Variants in PSD3 observed in about 807,000 individuals in gnomAD.
PSD3 encodes the protein PH and SEC7 domain-containing protein 3.
In PSD3, 49 loss-of-function variants were observed where a neutral mutation model predicts 105.5. That is an observed-to-expected ratio of 0.46 (90% confidence interval 0.37 to 0.59). PSD3 has a LOEUF of 0.59. PSD3 is among the 20% of genes least tolerant of loss of function. The pLI is 0.00. For synonymous variants in PSD3, 557 were observed against 457.8 expected (o/e 1.22, Z -2.77); for missense variants, 1,561 against 1,263.8 (o/e 1.24, Z -3.57).
intron 4 of PSD3, among the ~76,000 whole-genome samples, chr8:18,845,621 G>A (rs1815020235): frequency 6.6e-6 from 1 of 152,124 alleles, no homozygotes; most frequent in South Asian, 2.1e-4. Context: ...AGTTTCACAG[G>A]CCTACTGCAG....
chr8:18,578,504 C>T (rs1050676603), intron 12 of PSD3, among the ~76,000 whole-genome samples: 2 of 151,954 alleles, frequency 1.3e-5, no homozygotes, highest in African/African-American at 4.8e-5. Flanking sequence ...TTCTTCATGC[C>T]CTTCTATGTA....
chr8:18,807,007 A>T (rs1811263042), intron 4 of PSD3, among the ~76,000 whole-genome samples: 1 of 152,200 alleles, frequency 6.6e-6, no homozygotes, highest in African/African-American at 2.4e-5. Context: ...CGGATTTTAT[A>T]CTTTAATAAA....
intron 4 of PSD3, among the ~76,000 whole-genome samples, chr8:18,813,972 G>A (rs963050475): frequency 6.6e-6 from 1 of 152,168 alleles, no homozygotes; most frequent in South Asian, 2.1e-4. Context: ...ATACATGACA[G>A]CACTTTATTA....
At chr8:18,580,368 G>T (rs551024866) in intron 12 of PSD3, among the ~76,000 whole-genome samples, 1 of 152,022 alleles carries the variant, frequency 6.6e-6, no homozygotes, top group Non-Finnish European at 1.5e-5. Flanking sequence ...CCTGAACCAA[G>T]CCCTCCCCTG....
At chr8:18,915,300 T>C (rs891683920) in intron 2 of PSD3, among the ~76,000 whole-genome samples, 4 of 152,162 alleles carry the variant, frequency 2.6e-5, no homozygotes, top group Admixed American at 2.6e-4. Flanking sequence ...TTTTTTGGTA[T>C]ATAACACCAA....
intron 9 of PSD3, among the ~76,000 whole-genome samples, chr8:18,669,504 C>T (rs1012864629): frequency 6.6e-5 from 10 of 152,236 alleles, no homozygotes; most frequent in African/African-American, 2.4e-4. Context: ...AAGGCAAGAA[C>T]TGTGATGCTG....
intron 1 of PSD3, among the ~76,000 whole-genome samples, chr8:19,008,503 C>A (rs987970275): frequency 6.6e-6 from 1 of 152,190 alleles, no homozygotes; most frequent in South Asian, 2.1e-4. Context: ...TTCCACTCTC[C>A]TAGTGTCCTA....
At chr8:18,776,233 T>C (rs903140320) in intron 8 of PSD3, among the ~76,000 whole-genome samples, 3 of 148,936 alleles carry the variant, frequency 2.0e-5, no homozygotes, top group African/African-American at 7.3e-5. Context: ...CCATACTATA[T>C]TGGTTACCAT....
At chr8:18,677,444 G>C (rs948062593) in intron 9 of PSD3, among the ~76,000 whole-genome samples, 3 of 152,122 alleles carry the variant, frequency 2.0e-5, no homozygotes, top group Non-Finnish European at 4.4e-5. Context: ...GCTGGGTGTG[G>C]TGGTGCATGA....
chr8:18,607,836 A>G (rs1325409587), intron 11 of PSD3, among the ~76,000 whole-genome samples: 2 of 152,142 alleles, frequency 1.3e-5, no homozygotes, highest in East Asian at 3.9e-4. Flanking sequence ...GCCTCAGGAA[A>G]TGTACAATCA....
chr8:18,917,822 C>T (rs1438036626), intron 2 of PSD3, among the ~76,000 whole-genome samples: 5 of 152,160 alleles, frequency 3.3e-5, no homozygotes, highest in African/African-American at 1.2e-4. Context: ...CCTGCAACAC[C>T]GTGGAACCAA....
chr8:18,583,291 T>C (rs1210711756), intron 12 of PSD3, among the ~76,000 whole-genome samples: 1 of 152,032 alleles, frequency 6.6e-6, no homozygotes, highest in African/African-American at 2.4e-5. Context: ...ATAGAAAAAT[T>C]AGTCAGGTGT....
intron 9 of PSD3, among the ~76,000 whole-genome samples, chr8:18,712,059 C>T (rs1047304885): frequency 7.2e-5 from 11 of 151,998 alleles, no homozygotes; most frequent in Admixed American, 2.0e-4. Flanking sequence ...GCAGAAATTA[C>T]GAAGTTCTCT....
chr8:18,626,959 G>A (rs1585428391), intron 11 of PSD3, among the ~76,000 whole-genome samples: 3 of 152,178 alleles, frequency 2.0e-5, no homozygotes, highest in Non-Finnish European at 4.4e-5. Context: ...GAAGCAACTG[G>A]AAAGACGTTT....
chr8:18,774,527 G>T (rs1807849830), intron 8 of PSD3: 1 of 241,890 alleles, frequency 4.1e-6, no homozygotes. Context: ...CCTCCAGTTT[G>T]AATTTTGACT....
At chr8:18,741,762 A>G (rs1362164175) in intron 9 of PSD3, among the ~76,000 whole-genome samples, 1 of 149,612 alleles carries the variant, frequency 6.7e-6, no homozygotes, top group Non-Finnish European at 1.5e-5. Context: ...ATACAACAAT[A>G]TGGGCTTCAA....
chr8:18,659,498 A>T (rs1281426734), intron 9 of PSD3, among the ~76,000 whole-genome samples: 2 of 152,196 alleles, frequency 1.3e-5, no homozygotes, highest in Non-Finnish European at 2.9e-5. Flanking sequence ...GTTTTTCACA[A>T]ACACTGACTC....
chr8:18,675,713 A>T (rs1001320313), intron 9 of PSD3, among the ~76,000 whole-genome samples: 2 of 152,218 alleles, frequency 1.3e-5, no homozygotes, highest in Admixed American at 6.5e-5. Flanking sequence ...AAAAAAAGAA[A>T]TAAAATCTGC....
At chr8:18,701,274 G>C (rs769579582) in intron 9 of PSD3, among the ~76,000 whole-genome samples, 49 of 151,956 alleles carry the variant, frequency 3.2e-4, no homozygotes, top group African/African-American at 1.2e-3. Flanking sequence ...CTGGCCACAT[G>C]AAACATTTTT....
Sources: allele counts gnomAD v4.1 joint callset (sites outside exome capture counted in the v4.1 genomes callset), GRCh38; gene constraint gnomAD v4.1.1; transcripts MANE v1.5; gene names NCBI Gene and HGNC (gene_info 2026-07-23, HGNC 2026-07-21).